Variants in SENP8 observed in about 807,000 individuals in gnomAD.
SENP8 encodes the protein SUMO peptidase family member, NEDD8 specific.
A neutral mutation model predicts 14.4 loss-of-function variants in SENP8; 10 were observed. That is an observed-to-expected ratio of 0.69 (90% CI 0.43 to 1.18). The LOEUF is 1.18. Ranked by LOEUF, SENP8 falls within the 50% of genes most tolerant of loss-of-function variation. The pLI, the probability that SENP8 is intolerant of heterozygous loss-of-function variation, is 0.00. For missense variants in SENP8, 202 were observed against 249.4 expected (o/e 0.81, Z 1.28); for synonymous variants, 94 against 95.5 (o/e 0.98, Z 0.09).
intron 1 of SENP8, among the ~76,000 whole-genome samples, chr15:72,136,624 G>C (rs1027875188): frequency 6.6e-6 from 1 of 151,932 alleles, no homozygotes; most frequent in East Asian, 1.9e-4. Context: ...TTTTCATATA[G>C]GTTTTTGCAG....
At position 72,138,781 on chromosome 15, in the gene SENP8, C is replaced by T. The variant is rs182260555; in HGVS notation, c.-47-796C>T. The stretch of plus-strand genomic sequence containing the variant: ...TTCGAGACCAGCCTGGCTGATATGG[C>T]GAAACCCTGTCTCTACTAAAAATAC... On this transcript the variant is annotated intron_variant, in intron 1 of 1. Coordinates refer to ENST00000340912, the MANE Select transcript of SENP8 (RefSeq NM_145204.4). Among the ~76,000 whole-genome samples the T allele has an allele frequency of 3.4e-4, 51 of 150,874 alleles. 1 individual carries two copies. The highest frequency in any genetic ancestry group is 1.7e-3 in the South Asian group (8 of 4,772).
chr15:72,117,904 CCCCG>C (rs2081060788), upstream of SENP8: 4 of 398,570 alleles, frequency 1.0e-5, no homozygotes, highest in East Asian at 1.4e-4. Context: ...CAGGCACATC[CCCCG>C]CCGCACCCCG....
rs968926808 is a variant in SENP8, at chr15:72,142,556, A to G, written c.*2294A>G. On this transcript the variant is annotated 3_prime_UTR_variant, in exon 2 of 2. Transcript: ENST00000340912. ...TATCAAACTGAACTAACCTGCTTTCAGATATCCTGTTGTATTGCCCGGTAA... is the reference window on the plus strand; with the variant it reads ...TATCAAACTGAACTAACCTGCTTTCGGATATCCTGTTGTATTGCCCGGTAA... 5.9e-5 allele frequency: 9 copies of G among 152,238 alleles called. No individual in the cohort carries two copies. Among genetic ancestry groups the G allele is most frequent in the African/African-American group, 1.7e-4 (7 of 41,458 alleles). The allele number at this position is 152,238 out of a possible 1,614,324, so 9.4% of individuals were successfully genotyped here.
intron 1 of SENP8, among the ~76,000 whole-genome samples, chr15:72,130,043 A>G (rs2081258148): frequency 6.6e-6 from 1 of 152,132 alleles, no homozygotes; most frequent in South Asian, 2.1e-4. Flanking sequence ...ACAAAAAATT[A>G]GCCAAGCATT....
intron 1 of SENP8, among the ~76,000 whole-genome samples, chr15:72,119,484 C>T (rs958045556): frequency 3.3e-5 from 5 of 152,104 alleles, no homozygotes; most frequent in African/African-American, 1.2e-4. Flanking sequence ...CGCGGTGGCT[C>T]ACGCCTGTAA....
intron 1 of SENP8, among the ~76,000 whole-genome samples, chr15:72,120,530 C>T (rs1157507481): frequency 6.6e-6 from 1 of 152,114 alleles, no homozygotes; most frequent in Admixed American, 6.6e-5. Flanking sequence ...TTAATAAGTA[C>T]AAAAAAGGTT....
chr15:72,138,079 T>C (rs1012326529), intron 1 of SENP8, among the ~76,000 whole-genome samples: 3 of 152,206 alleles, frequency 2.0e-5, no homozygotes, highest in African/African-American at 4.8e-5. Flanking sequence ...AAATAATTTG[T>C]TGTCATTATG....
chr15:72,114,933 A>G (rs184892510), upstream of SENP8, among the ~76,000 whole-genome samples: 1 of 152,344 alleles, frequency 6.6e-6, no homozygotes, highest in Non-Finnish European at 1.5e-5. Context: ...GCTATTAAAG[A>G]CTGAACAAAC....
At chr15:72,130,131 A>C (rs182248373) in intron 1 of SENP8, among the ~76,000 whole-genome samples, 101 of 152,320 alleles carry the variant, frequency 6.6e-4, no homozygotes, top group Non-Finnish European at 1.2e-3. Flanking sequence ...CAGAGGTTAC[A>C]GTGAGCTGAG....
Position 72,141,699 on chromosome 15 carries a change from C to G in SENP8, c.*1437C>G, listed in dbSNP as rs1465354509. 6.6e-6 allele frequency: 1 copy of G among 152,042 alleles called. No homozygotes were observed. Among genetic ancestry groups the G allele is most frequent in the Non-Finnish European group, 1.5e-5 (1 of 68,008 alleles). The allele number at this position is 152,042 out of a possible 1,614,324, so 9.4% of individuals were successfully genotyped here. On this transcript the variant is annotated 3_prime_UTR_variant, in exon 2 of 2. Coordinates refer to ENST00000340912, the MANE Select transcript of SENP8 (RefSeq NM_145204.4). Reference sequence around the variant, plus strand: ...AGGCCTGAGTGAGCAGGAGCTGAAACTAAAAGTCAAAGAGAAAGCTATCAA... The same window carrying G: ...AGGCCTGAGTGAGCAGGAGCTGAAAGTAAAAGTCAAAGAGAAAGCTATCAA...
rs762692863 is a variant in SENP8, at chr15:72,139,714, A to C, written c.91A>C (p.Ile31Leu). ...LDPPSWLNDH[I>L]IGFAFEYFAN... is the part of the protein sequence containing the mutation. ...TCCGCCAAGCTGGCTCAATGACCAT[A>C]TTATTGGGTTTGCGTTTGAGTACTT... Residue 31 changes from isoleucine (I) to leucine (L), a missense_variant, in exon 2 of 2, where the codon ATT becomes CTT. Physicochemically the swap from Ile to Leu is conservative, Grantham distance 5. Coordinates refer to ENST00000340912, the MANE Select transcript of SENP8 (RefSeq NM_145204.4). 6.2e-7 allele frequency: 1 copy of C among 1,614,150 alleles called. No homozygotes were observed. The highest frequency in any genetic ancestry group is 8.5e-7 in the Non-Finnish European group (1 of 1,180,026).
intron 1 of SENP8, among the ~76,000 whole-genome samples, chr15:72,119,669 A>C (rs1596638965): frequency 6.6e-6 from 1 of 152,060 alleles, no homozygotes; most frequent in Non-Finnish European, 1.5e-5. Flanking sequence ...AATGGCATGA[A>C]CCCGGAAGGC....
In SENP8 at chr15:72,139,751, A is replaced by C; in HGVS notation, c.128A>C (p.Gln43Pro). 6.2e-7 allele frequency: 1 copy of C among 1,614,200 alleles called. No individual in the cohort carries two copies. Among genetic ancestry groups the C allele is most frequent in the Non-Finnish European group, 8.5e-7 (1 of 1,180,040 alleles). ...GFAFEYFANSQFHDCSDHVSF... is the reference protein window; with the variant it reads ...GFAFEYFANSPFHDCSDHVSF... ...GCGTTTGAGTACTTTGCCAACAGTC[A>C]GTTTCATGACTGCTCTGATCACGTC... is the stretch of plus-strand genomic sequence containing the variant. Residue 43 changes from glutamine to proline, a missense_variant, in exon 2 of 2, where the codon CAG becomes CCG. Gln to Pro is a moderately conservative substitution (Grantham distance 76, BLOSUM62 -1). Transcript: ENST00000340912.
upstream of SENP8, chr15:72,118,223 T>G (rs2081079822): frequency 3.0e-6 from 1 of 334,128 alleles, no homozygotes; most frequent in South Asian, 1.7e-4. Flanking sequence ...GTGACGCCAC[T>G]GGAGAGTACA....
chr15:72,128,074 CAG>C (rs1244884831), intron 1 of SENP8, among the ~76,000 whole-genome samples: 2 of 147,124 alleles, frequency 1.4e-5, no homozygotes, highest in African/African-American at 5.1e-5. Context: ...TCCTGGGCAA[CAG>C]AGTGAGACGT....
chr15:72,140,345 A>C lies in SENP8; in HGVS notation c.*83A>C, dbSNP rs1596662062. ...TGGATGGCTGCAATCTCAGTGCCTG[A>C]GGGAAGATGCCTAGTAGAGGAAAGC... On this transcript the variant is annotated 3_prime_UTR_variant, in exon 2 of 2. Coordinates refer to ENST00000340912, the MANE Select transcript of SENP8 (RefSeq NM_145204.4). The C allele has an allele frequency of 1.0e-6, 1 of 953,462 alleles. No homozygotes were observed. Among genetic ancestry groups the C allele is most frequent in the East Asian group, 2.4e-5 (1 of 41,252 alleles). The allele number at this position is 953,462 out of a possible 1,614,324, so 59.1% of individuals were successfully genotyped here. A position where few individuals can be genotyped will look rare whatever the true frequency, so the allele number is the denominator to read the frequency against.
At chr15:72,133,077 G>A (rs1320657679) in intron 1 of SENP8, among the ~76,000 whole-genome samples, 1 of 152,134 alleles carries the variant, frequency 6.6e-6, no homozygotes. Flanking sequence ...AGGCTGAGAC[G>A]GGAGAATCGC....
rs1204022452 is a variant in SENP8, at chr15:72,142,482, T to C, written c.*2220T>C. On this transcript the variant is annotated 3_prime_UTR_variant, in exon 2 of 2. Coordinates refer to ENST00000340912, the MANE Select transcript of SENP8 (RefSeq NM_145204.4). Reference sequence around the variant, plus strand: ...AAAAGGATCTATTCTGCAAAATTAATCAAAATATTCAAAAGGAAGGCAGGT... The same window carrying C: ...AAAAGGATCTATTCTGCAAAATTAACCAAAATATTCAAAAGGAAGGCAGGT... 5 of 152,330 alleles carry C rather than the reference T, an allele frequency of 3.3e-5. No homozygotes were observed. The highest frequency in any genetic ancestry group is 3.3e-4 in the Admixed American group (5 of 15,302). 9.4% of individuals were successfully genotyped at this position (152,330 alleles called of 1,614,324 possible). A position where few individuals can be genotyped will look rare whatever the true frequency, so the allele number is the denominator to read the frequency against.
rs972111476 is a variant in SENP8 at position 72,143,628 on chromosome 15, TATG to T, written c.*3367_*3369del. ...AGAAATATATAATCTCATTAATTCTTATGTTCTCATGTTTCAACAGGTACTGTT... is the reference window on the plus strand; with the variant it reads ...AGAAATATATAATCTCATTAATTCTTTTCTCATGTTTCAACAGGTACTGTT... On this transcript the variant is annotated 3_prime_UTR_variant, in exon 2 of 2. Transcript: ENST00000340912. 6.6e-6 allele frequency: 1 copy of T among 152,202 alleles called. No individual in the cohort carries two copies. The highest frequency in any genetic ancestry group is 1.5e-5 in the Non-Finnish European group (1 of 68,036). The allele number at this position is 152,202 out of a possible 1,614,324, so 9.4% of individuals were successfully genotyped here. A position where few individuals can be genotyped will look rare whatever the true frequency, so the allele number is the denominator to read the frequency against.
Sources: gnomAD v4.1 joint callset for allele counts (sites outside exome capture counted in the v4.1 genomes callset) on GRCh38, gnomAD v4.1.1 for gene constraint, MANE v1.5 for transcripts, NCBI Gene and HGNC (gene_info 2026-07-23, HGNC 2026-07-21) for gene names.